Variants in PCOLCE observed in about 807,000 individuals in gnomAD.
PCOLCE encodes the protein procollagen C-endopeptidase enhancer.
Under a neutral mutation model 47.2 loss-of-function variants are expected in PCOLCE, and 33 were observed. The observed-to-expected ratio is 0.70, with a 90% CI of 0.53 to 0.93. The LOEUF is 0.93. Among genes scored for constraint, PCOLCE ranks in the 40% least tolerant of loss-of-function variants. The pLI, the probability that PCOLCE is intolerant of heterozygous loss-of-function variation, is 0.00. For synonymous variants in PCOLCE, 254 were observed against 252.5 expected, an observed-to-expected ratio of 1.01 and a Z score of -0.06; for missense variants, 584 against 585.3, an observed-to-expected ratio of 1.00 and a Z score of 0.02.
At chr7:100,602,946 A>T in intron 1 of PCOLCE, 2 of 297,378 alleles carry the variant, frequency 6.7e-6, no homozygotes, top group Non-Finnish European at 6.3e-6. Context: ...AGTAGTTTGG[A>T]ACAGGGGCAG....
intron 1 of PCOLCE, chr7:100,603,081 A>G: frequency 4.0e-6 from 1 of 250,834 alleles, no homozygotes. Context: ...CACATCTGGA[A>G]GTAGTTAGGC....
chr7:100,606,068 C>A (rs1326200661), intron 5 of PCOLCE: 2 of 562,036 alleles, frequency 3.6e-6, no homozygotes, highest in Non-Finnish European at 6.3e-6. Context: ...GTGGCTCATG[C>A]CTGTAATCAT....
Position 100,604,226 on chromosome 7 carries a change from T to A in PCOLCE, c.463+9T>A. The A allele has an allele frequency of 1.9e-6, 3 of 1,602,946 alleles. No individual in the cohort carries two copies. The highest frequency in any genetic ancestry group is 2.6e-6 in the Non-Finnish European group (3 of 1,176,326). ...GGCCACCTCGGGCACTGGTGAGAAC[T>A]CCCTCACCTCCGCCTTCCCCCCCTC... On this transcript the variant is annotated intron_variant, in intron 3 of 8. Transcript: ENST00000223061. The surrounding 1 kb of genome is among the most constrained non-coding windows in gnomAD (Gnocchi z 6.4).
In PCOLCE at chr7:100,604,245, C is replaced by A; in HGVS notation, c.463+28C>A. The A allele has an allele frequency of 2.5e-6, 4 of 1,591,132 alleles. No individual in the cohort carries two copies. The highest frequency in any genetic ancestry group is 3.4e-6 in the Non-Finnish European group (4 of 1,171,608). On this transcript the variant is annotated intron_variant, in intron 3 of 8. Coordinates refer to ENST00000223061, the MANE Select transcript of PCOLCE (RefSeq NM_002593.4). This position sits in a 1 kb window ranked among gnomAD's most constrained non-coding sequence, Gnocchi z 6.4. ...GAGAACTCCCTCACCTCCGCCTTCC[C>A]CCCCTCCAGGCCCCGCCCCGGCCGC...
In PCOLCE at chr7:100,603,453, A is replaced by G; in HGVS notation, c.119A>G (p.Asp40Gly). ...AGACCCGTGTTCCTGTGCGGAGGGG[A>G]TGTGAAGGGGGAATCAGGTTACGTG... ...YTRPVFLCGG[D>G]VKGESGYVAS... The change falls in exon 2 of 9, where the codon GAT (aspartate) becomes GGT (glycine). Residue 40 changes from aspartate (D) to glycine (G), a missense_variant. Asp to Gly is a moderately conservative substitution (Grantham distance 94). Transcript: ENST00000223061. 6.3e-7 allele frequency: 1 copy of G among 1,589,170 alleles called. No individual in the cohort carries two copies. The highest frequency in any genetic ancestry group is 1.7e-5 in the Admixed American group (1 of 57,908).
chr7:100,604,820 C>A lies in PCOLCE; in HGVS notation c.464-271C>A. ...GAAGAGGCGCGGTGCGGCCGCGGGT[C>A]GGGGAGGGGCCAGAAGGGGGCGTCC... On this transcript the variant is annotated intron_variant, in intron 3 of 8. Transcript: ENST00000223061. This position sits in a 1 kb window ranked among gnomAD's most constrained non-coding sequence, Gnocchi z 6.4. 2.1e-6 allele frequency: 1 copy of A among 479,344 alleles called. No homozygotes were observed. Among genetic ancestry groups the A allele is most frequent in the Non-Finnish European group, 3.8e-6 (1 of 265,670 alleles). 29.7% of individuals were successfully genotyped at this position (479,344 alleles called of 1,614,324 possible).
chr7:100,604,493 T>G lies in PCOLCE; in HGVS notation c.463+276T>G. 1.8e-6 allele frequency: 1 copy of G among 551,076 alleles called. No individual in the cohort carries two copies. Among genetic ancestry groups the G allele is most frequent in the East Asian group, 3.3e-5 (1 of 29,926 alleles). The allele number at this position is 551,076 out of a possible 1,614,324, so 34.1% of individuals were successfully genotyped here. On this transcript the variant is annotated intron_variant, in intron 3 of 8. Coordinates refer to ENST00000223061, the MANE Select transcript of PCOLCE (RefSeq NM_002593.4). The surrounding 1 kb of genome is among the most constrained non-coding windows in gnomAD (Gnocchi z 6.4). ...GCGGGTGGAATGGGCGGCCTGGGGT[T>G]ACTGGGACGGTGAGTAACTGCCGGC...
At position 100,604,193 on chromosome 7, in the gene PCOLCE, A is replaced by G. The variant is rs1802668244; in HGVS notation, c.439A>G (p.Ser147Gly). 4 of 1,612,486 alleles carry G rather than the reference A, an allele frequency of 2.5e-6. No homozygotes were observed. Among genetic ancestry groups the G allele is most frequent in the Non-Finnish European group, 3.4e-6 (4 of 1,179,896 alleles). Residue 147 changes from serine (S) to glycine (G), a missense_variant, in exon 3 of 9, where the codon AGC (serine) becomes GGC (glycine). Coordinates refer to ENST00000223061, the MANE Select transcript of PCOLCE (RefSeq NM_002593.4). The surrounding 1 kb of genome is among the most constrained non-coding windows in gnomAD (Gnocchi z 6.4). ...TGGRGFLLWY[S>G]GRATSGTEHQ... is the part of the protein sequence containing the mutation. ...AGGACGAGGCTTCCTGCTCTGGTAC[A>G]GCGGGCGGGCCACCTCGGGCACTGG...
chr7:100,605,125 C>T lies in PCOLCE; in HGVS notation c.498C>T (p.Ala166=). Residue 166 remains alanine, a synonymous_variant, in exon 4 of 9, where the codon GCC becomes GCT. Coordinates refer to ENST00000223061, the MANE Select transcript of PCOLCE (RefSeq NM_002593.4). This position sits in a 1 kb window ranked among gnomAD's most constrained non-coding sequence, Gnocchi z 6.1. ...TTTGCGGGGGGCGGCTGGAGAAGGC[C>T]CAGGGAACCCTGACCACGCCCAACT... is the stretch of plus-strand genomic sequence containing the variant. ...HQFCGGRLEK[A]QGTLTTPNWP... 6.2e-7 allele frequency: 1 copy of T among 1,612,782 alleles called. No individual in the cohort carries two copies. The highest frequency in any genetic ancestry group is 8.5e-7 in the Non-Finnish European group (1 of 1,179,600).
rs1189420753 is a variant in PCOLCE at position 100,605,120 on chromosome 7, A to G, written c.493A>G (p.Lys165Glu). Residue 165 changes from lysine (K) to glutamate (E), a missense_variant, in exon 4 of 9, where the codon AAG becomes GAG. Physicochemically the swap from Lys to Glu is moderately conservative, Grantham distance 56 (BLOSUM62 1). Transcript: ENST00000223061. This position sits in a 1 kb window ranked among gnomAD's most constrained non-coding sequence, Gnocchi z 6.1. The stretch of plus-strand genomic sequence containing the variant: ...CCAATTTTGCGGGGGGCGGCTGGAG[A>G]AGGCCCAGGGAACCCTGACCACGCC... ...EHQFCGGRLE[K>E]AQGTLTTPNW... 1.2e-6 allele frequency: 2 copies of G among 1,612,160 alleles called. No homozygotes were observed. Among genetic ancestry groups the G allele is most frequent in the Non-Finnish European group, 1.7e-6 (2 of 1,179,340 alleles).
In PCOLCE at chr7:100,604,139, C is replaced by T. The variant is rs144063020; in HGVS notation, c.385C>T (p.Leu129=). 1 of 1,613,182 alleles carries T rather than the reference C, an allele frequency of 6.2e-7. No individual in the cohort carries two copies. Among genetic ancestry groups the T allele is most frequent in the Non-Finnish European group, 8.5e-7 (1 of 1,179,982 alleles). ...AGTCGCCCCCGGCAACCAGGTGACC[C>T]TGAGGATGACGACGGATGAGGGCAC... The part of the protein sequence containing the change: ...PLVAPGNQVT[L]RMTTDEGTGG... The change falls in exon 3 of 9, where the codon CTG becomes TTG. Residue 129 remains leucine, a synonymous_variant. Coordinates refer to ENST00000223061, the MANE Select transcript of PCOLCE (RefSeq NM_002593.4). The surrounding 1 kb of genome is among the most constrained non-coding windows in gnomAD (Gnocchi z 6.4).
intron 2 of PCOLCE, 90 bp from the exon 3 acceptor site, chr7:100,603,869 G>C: frequency 6.8e-7 from 1 of 1,473,586 alleles, no homozygotes; most frequent in Non-Finnish European, 9.2e-7. Flanking sequence ...GTCCGTTTCT[G>C]CAAGAAACGC....
chr7:100,604,210 G>C lies in PCOLCE; in HGVS notation c.456G>C (p.Ser152=), dbSNP rs1221626561. 1.2e-6 allele frequency: 2 copies of C among 1,610,742 alleles called. No homozygotes were observed. The highest frequency in any genetic ancestry group is 1.7e-5 in the Admixed American group (1 of 59,990). ...TCTGGTACAGCGGGCGGGCCACCTCGGGCACTGGTGAGAACTCCCTCACCT... is the reference window on the plus strand; with the variant it reads ...TCTGGTACAGCGGGCGGGCCACCTCCGGCACTGGTGAGAACTCCCTCACCT... ...FLLWYSGRAT[S]GTEHQFCGGR... The change falls in exon 3 of 9, where the codon TCG becomes TCC. Residue 152 remains serine, a synonymous_variant. Transcript: ENST00000223061. The surrounding 1 kb of genome is among the most constrained non-coding windows in gnomAD (Gnocchi z 6.4).
intron 5 of PCOLCE, 196 bp from the exon 6 acceptor site, chr7:100,606,206 GTAGTCCCAGCAACT>G: frequency 1.8e-6 from 1 of 569,132 alleles, no homozygotes; most frequent in Non-Finnish European, 3.1e-6. Context: ...TGGCGTGCCT[GTAGTCCCAGCAACT>G]TGCGGGGCTG....
At position 100,605,719 on chromosome 7, in the gene PCOLCE, C is replaced by A; in HGVS notation, c.632C>A (p.Thr211Asn). ...TFEKFDLEPD[T>N]YCRYDSVSVF... ...GAGAAGTTTGACCTGGAGCCGGACA[C>A]CTACTGCCGCTATGACTCGGTCAGC... is the stretch of plus-strand genomic sequence containing the variant. Residue 211 changes from threonine to asparagine, a missense_variant, in exon 5 of 9, where the codon ACC (threonine) becomes AAC (asparagine). Thr to Asn is a moderately conservative substitution (Grantham distance 65). Coordinates refer to ENST00000223061, the MANE Select transcript of PCOLCE (RefSeq NM_002593.4). This position sits in a 1 kb window ranked among gnomAD's most constrained non-coding sequence, Gnocchi z 6.1. 1.3e-6 allele frequency: 2 copies of A among 1,576,838 alleles called. No homozygotes were observed. The highest frequency in any genetic ancestry group is 2.3e-5 in the East Asian group (1 of 42,780).
In PCOLCE at chr7:100,605,028, TCTC is replaced by T; in HGVS notation, c.464-60_464-58del. The T allele has an allele frequency of 3.1e-6, 4 of 1,296,734 alleles. No homozygotes were observed. Among genetic ancestry groups the T allele is most frequent in the Non-Finnish European group, 4.4e-6 (4 of 907,342 alleles). 80.3% of individuals were successfully genotyped at this position (1,296,734 alleles called of 1,614,324 possible). A position where few individuals can be genotyped will look rare whatever the true frequency, so the allele number is the denominator to read the frequency against. ...CCTGCCGGGGCTCCCAGCCTAGAGTTCTCCTGAAGCTGACCGAGGGTCTCCACC... is the reference window on the plus strand; with the variant it reads ...CCTGCCGGGGCTCCCAGCCTAGAGTTCTGAAGCTGACCGAGGGTCTCCACC... On this transcript the variant is annotated intron_variant, in intron 3 of 8. Coordinates refer to ENST00000223061, the MANE Select transcript of PCOLCE (RefSeq NM_002593.4). The surrounding 1 kb of genome is among the most constrained non-coding windows in gnomAD (Gnocchi z 6.1).
chr7:100,603,995 G>A lies in PCOLCE; in HGVS notation c.241G>A (p.Val81Ile). Reference sequence around the variant, plus strand: ...CCAGACTGTGTCCCTCTCATTCCGAGTCTTCGACCTGGAGCTGCACCCCGC... The same window carrying A: ...CCAGACTGTGTCCCTCTCATTCCGAATCTTCGACCTGGAGCTGCACCCCGC... ...EGQTVSLSFR[V>I]FDLELHPACR... The change falls in exon 3 of 9, where the codon GTC (valine) becomes ATC (isoleucine). Residue 81 changes from valine to isoleucine, a missense_variant. Transcript: ENST00000223061. 6.2e-7 allele frequency: 1 copy of A among 1,603,566 alleles called. No individual in the cohort carries two copies. Among genetic ancestry groups the A allele is most frequent in the East Asian group, 2.2e-5 (1 of 44,872 alleles).
intron 6 of PCOLCE, 79 bp downstream of exon 6, chr7:100,606,709 A>G: frequency 9.1e-7 from 1 of 1,099,914 alleles, no homozygotes; most frequent in Non-Finnish European, 1.3e-6. Context: ...GCTGTGGCTC[A>G]CACCTGTAAT....
At position 100,607,919 on chromosome 7, in the gene PCOLCE, C is replaced by T. The variant is rs749866625; in HGVS notation, c.1184-18C>T. On this transcript the variant is annotated intron_variant, in intron 8 of 8. Coordinates refer to ENST00000223061, the MANE Select transcript of PCOLCE (RefSeq NM_002593.4). ...GTCTCAAGAATAAGAGATCTCAACC[C>T]CTCCCTCCTTCTTCCAGGAGTCAGT... is the stretch of plus-strand genomic sequence containing the variant. 1 of 1,613,846 alleles carries T rather than the reference C, an allele frequency of 6.2e-7. No homozygotes were observed. The highest frequency in any genetic ancestry group is 8.5e-7 in the Non-Finnish European group (1 of 1,179,812).
Sources: allele counts gnomAD v4.1 joint callset, GRCh38; gene constraint gnomAD v4.1.1; non-coding constraint Gnocchi (gnomAD v3.1); transcripts MANE v1.5; gene names NCBI Gene and HGNC (gene_info 2026-07-23, HGNC 2026-07-21).